The following MLLT10 variants were observed in gnomAD, a reference collection of about 807,000 sequenced individuals.
MLLT10 encodes the protein MLLT10 histone lysine methyltransferase DOT1L cofactor.
Under a neutral mutation model 129.1 loss-of-function variants are expected in MLLT10, and 30 were observed. The observed-to-expected ratio is 0.23, with a 90% CI of 0.17 to 0.32. The LOEUF is 0.32. Ranked by LOEUF, MLLT10 falls within the 10% of genes least tolerant of loss-of-function variation. The probability of loss-of-function intolerance (pLI) is 1.00; values close to 1 mark genes in which losing one functional copy is unlikely to be tolerated. For synonymous variants in MLLT10, 490 were observed against 446.4 expected (o/e 1.10, Z -1.23); for missense variants, 1,119 against 1,268.3 (o/e 0.88, Z 1.79).
chr10:21,592,949 A>T (rs2042653172), intron 4 of MLLT10, among the ~76,000 whole-genome samples: 1 of 151,954 alleles, frequency 6.6e-6, no homozygotes, highest in African/African-American at 2.4e-5. Context: ...TGTGTGTTAG[A>T]TCTGCCTGCC....
At chr10:21,633,436 G>A (rs1406983987) in intron 8 of MLLT10, among the ~76,000 whole-genome samples, 1 of 152,194 alleles carries the variant, frequency 6.6e-6, no homozygotes, top group Admixed American at 6.5e-5. Flanking sequence ...CAGGCATAGT[G>A]GCTTATGCAT....
At chr10:21,535,274 G>T (rs1418034356) in intron 2 of MLLT10, among the ~76,000 whole-genome samples, 2 of 152,194 alleles carry the variant, frequency 1.3e-5, no homozygotes, top group Non-Finnish European at 2.9e-5. Context: ...GCGTGGAGAC[G>T]GGCTCGGGAA....
chr10:21,645,775 C>G (rs981847150), intron 8 of MLLT10, among the ~76,000 whole-genome samples: 2 of 152,198 alleles, frequency 1.3e-5, no homozygotes, highest in Non-Finnish European at 2.9e-5. Flanking sequence ...CTCTGAATTC[C>G]TCTTGGCCTT....
chr10:21,570,592 T>C (rs565495850), intron 3 of MLLT10, among the ~76,000 whole-genome samples: 2 of 152,032 alleles, frequency 1.3e-5, no homozygotes, highest in Non-Finnish European at 2.9e-5. Context: ...GTTTTTTTTT[T>C]CTGTGTTTCA....
At chr10:21,716,023 A>G (rs2131524216) in intron 14 of MLLT10, among the ~76,000 whole-genome samples, 1 of 152,370 alleles carries the variant, frequency 6.6e-6, no homozygotes, top group South Asian at 2.1e-4. Context: ...TCTCCAGGCA[A>G]CTGAGGCACG....
At chr10:21,584,592 G>A (rs2041814172) in intron 3 of MLLT10, among the ~76,000 whole-genome samples, 1 of 152,078 alleles carries the variant, frequency 6.6e-6, no homozygotes, top group Non-Finnish European at 1.5e-5. Flanking sequence ...GCGATTATAT[G>A]TGTGAGGCAC....
intron 3 of MLLT10, among the ~76,000 whole-genome samples, chr10:21,562,690 C>G (rs745516820): frequency 7.3e-5 from 11 of 151,512 alleles, no homozygotes; most frequent in Non-Finnish European, 4.4e-5. Context: ...TATTACAATC[C>G]AAGAACGTGA....
chr10:21,704,016 G>GTTTTTTTTTTTTTTTTTTTTTT (rs60982595), intron 13 of MLLT10, among the ~76,000 whole-genome samples: 3 of 56,616 alleles, frequency 5.3e-5, no homozygotes, highest in Non-Finnish European at 9.0e-5. Context: ...ATTGTTTTTT[G>GTTTTTTTTTTTTTTTTTTTTTT]TTTTTTTTTT....
At chr10:21,647,418 G>T (rs1386969642) in intron 8 of MLLT10, among the ~76,000 whole-genome samples, 1 of 152,154 alleles carries the variant, frequency 6.6e-6, no homozygotes, top group Non-Finnish European at 1.5e-5. Context: ...ATATTTGGGA[G>T]GCTAAGGCAG....
intron 13 of MLLT10, among the ~76,000 whole-genome samples, chr10:21,682,803 A>G (rs1007153598): frequency 6.6e-6 from 1 of 152,188 alleles, no homozygotes; most frequent in Admixed American, 6.5e-5. Context: ...GGCAAATACT[A>G]TCTTTGTAAT....
Position 21,727,908 on chromosome 10 carries a change from C to G in MLLT10, c.2043C>G (p.Pro681=). The G allele has an allele frequency of 6.2e-7, 1 of 1,613,912 alleles. No individual in the cohort carries two copies. The highest frequency in any genetic ancestry group is 8.5e-7 in the Non-Finnish European group (1 of 1,179,956). ...SRNLVGRGSS[P]RGSLSPRSPV... Reference sequence around the variant, plus strand: ...ACCTAGTTGGCAGAGGAAGCTCACCCCGAGGAAGTCTCTCGCCACGGTAAG... The same window carrying G: ...ACCTAGTTGGCAGAGGAAGCTCACCGCGAGGAAGTCTCTCGCCACGGTAAG... The change falls in exon 16 of 23, where the codon CCC becomes CCG. Residue 681 remains proline (P), a synonymous_variant. Transcript: ENST00000307729.
chr10:21,606,406 A>T (rs1034493666), intron 5 of MLLT10, among the ~76,000 whole-genome samples: 1 of 152,228 alleles, frequency 6.6e-6, no homozygotes, highest in Non-Finnish European at 1.5e-5. Flanking sequence ...TCGAAAGGCT[A>T]TGGCTGCTAT....
At chr10:21,627,634 G>A (rs1361911475) in intron 8 of MLLT10, among the ~76,000 whole-genome samples, 1 of 152,060 alleles carries the variant, frequency 6.6e-6, no homozygotes, top group Non-Finnish European at 1.5e-5. Context: ...TAAAAAAGGG[G>A]TTTGTAGCCA....
chr10:21,618,372 G>A (rs1178539352), intron 8 of MLLT10, among the ~76,000 whole-genome samples: 1 of 151,750 alleles, frequency 6.6e-6, no homozygotes, highest in Non-Finnish European at 1.5e-5. Context: ...GCCTGGTGGT[G>A]GTTGTTTGTA....
intron 8 of MLLT10, chr10:21,626,368 G>C (rs1047844444): frequency 3.1e-6 from 2 of 653,454 alleles, no homozygotes; most frequent in Admixed American, 5.2e-5. Context: ...TCGCACGCGT[G>C]CCACCCCCCA....
chr10:21,584,249 C>T (rs1163429896), intron 3 of MLLT10, among the ~76,000 whole-genome samples: 8 of 150,996 alleles, frequency 5.3e-5, no homozygotes, highest in East Asian at 3.9e-4. Flanking sequence ...CTGCAACCTC[C>T]GCCTTCCGGT....
chr10:21,584,078 C>G (rs2041745401), intron 3 of MLLT10, among the ~76,000 whole-genome samples: 2 of 151,900 alleles, frequency 1.3e-5, no homozygotes, highest in Admixed American at 6.6e-5. Flanking sequence ...ACCGTGTTAG[C>G]CAGATGGTCT....
chr10:21,578,186 C>G (rs191271905), intron 3 of MLLT10, among the ~76,000 whole-genome samples: 1 of 152,220 alleles, frequency 6.6e-6, no homozygotes, highest in South Asian at 2.1e-4. Flanking sequence ...TGAGCCACTG[C>G]ACCTGGCCTG....
intron 5 of MLLT10, 133 bp from the exon 6 acceptor site, chr10:21,612,215 C>A: frequency 1.9e-6 from 1 of 526,510 alleles, no homozygotes; most frequent in Non-Finnish European, 3.4e-6. Flanking sequence ...GATTATTGTC[C>A]AAAATGAATT....
Sources: gnomAD v4.1 joint callset for allele counts (sites outside exome capture counted in the v4.1 genomes callset) on GRCh38, gnomAD v4.1.1 for gene constraint, MANE v1.5 for transcripts, NCBI Gene and HGNC (gene_info 2026-07-23, HGNC 2026-07-21) for gene names.